The following ABCA2 variants were observed in gnomAD, a reference collection of about 807,000 sequenced individuals.
The protein encoded by ABCA2 is ATP-binding cassette sub-family A member 2.
ABCA2 carries 84 observed loss-of-function variants against 262.8 expected under a neutral mutation model. The observed-to-expected ratio is 0.32, with a 90% CI of 0.27 to 0.38. The LOEUF is 0.38. ABCA2 is among the 10% of genes least tolerant of loss of function. ABCA2 has a pLI of 1.00. For missense variants in ABCA2, 2,662 were observed against 3,405.9 expected (o/e 0.78, Z 5.44); for synonymous variants, 1,696 against 1,502.9 (o/e 1.13, Z -2.97).
rs766268332 is a variant in ABCA2, at chr9:137,020,333, C to T, written c.1425+3G>A. ...AAACATGGAGCGTCCCAGACCCGTG[C>T]ACCTTGAGGATGACGCGGTCGACCT... On this transcript the variant is annotated splice_donor_region_variant and intron_variant, in intron 10 of 48. Coordinates refer to ENST00000341511, the MANE Select transcript of ABCA2 (RefSeq NM_001606.5). 40 of 1,612,036 alleles carry T rather than the reference C, an allele frequency of 2.5e-5. No individual in the cohort carries two copies. The highest frequency in any genetic ancestry group is 3.1e-5 in the Non-Finnish European group (37 of 1,179,968).
chr9:137,028,726 A>C (rs370129169), upstream of ABCA2: 11 of 1,264,856 alleles, frequency 8.7e-6, no homozygotes, highest in Admixed American at 3.2e-5. The surrounding 1 kb of genome is among the most constrained non-coding windows in gnomAD (Gnocchi z 6.9). Context: ...CCTGGAAGGG[A>C]GGCAGGGCGG....
intron 28 of ABCA2, 94 bp downstream of exon 28, chr9:137,013,738 C>A: frequency 6.9e-7 from 1 of 1,450,826 alleles, no homozygotes; most frequent in Non-Finnish European, 9.4e-7. Context: ...GGGTGAGGCC[C>A]AGAGTCAGGA....
intron 21 of ABCA2, 24 bp downstream of exon 21, chr9:137,016,267 C>G (rs377595012): frequency 9.3e-6 from 15 of 1,611,888 alleles, no homozygotes; most frequent in Non-Finnish European, 1.2e-5. Flanking sequence ...CAGATGCCCA[C>G]CGCCCTGCCC....
chr9:137,015,571 G>A lies in ABCA2; in HGVS notation c.3540C>T (p.His1180=). The change falls in exon 24 of 49, where the codon CAC becomes CAT. Residue 1180 remains histidine (H), a synonymous_variant. Coordinates refer to ENST00000341511, the MANE Select transcript of ABCA2 (RefSeq NM_001606.5). Reference sequence around the variant, plus strand: ...CAAGCAGGTCAGCCTCATCCATGTGGTGGGTGGACAGAAGGATGGTGCGGC... The same window carrying A: ...CAAGCAGGTCAGCCTCATCCATGTGATGGGTGGACAGAAGGATGGTGCGGC... The part of the protein sequence containing the change: ...KPGRTILLST[H]HMDEADLLGD... The A allele has an allele frequency of 6.2e-7, 1 of 1,612,536 alleles. No homozygotes were observed. Among genetic ancestry groups the A allele is most frequent in the Non-Finnish European group, 8.5e-7 (1 of 1,179,778 alleles).
rs1564216159 is a variant in ABCA2, at chr9:137,012,990, C to G, written c.4867+12G>C. 6.7e-7 allele frequency: 1 copy of G among 1,488,410 alleles called. No homozygotes were observed. The highest frequency in any genetic ancestry group is 1.4e-5 in the African/African-American group (1 of 72,172). The allele number at this position is 1,488,410 out of a possible 1,614,324, so 92.2% of individuals were successfully genotyped here. A position where few individuals can be genotyped will look rare whatever the true frequency, so the allele number is the denominator to read the frequency against. On this transcript the variant is annotated intron_variant, in intron 30 of 48. Transcript: ENST00000341511. ...TGCCCCTGCCCCCCCAGCAGGCCCCCTGAACCACTACCTGGCCCAGCGGTG... is the reference window on the plus strand; with the variant it reads ...TGCCCCTGCCCCCCCAGCAGGCCCCGTGAACCACTACCTGGCCCAGCGGTG...
chr9:137,023,533 C>A (rs1831550226), intron 3 of ABCA2: 2 of 737,772 alleles, frequency 2.7e-6, no homozygotes, highest in Non-Finnish European at 5.0e-6. Flanking sequence ...GCCAGCCCAG[C>A]CTCAGCCCAG....
rs369858228 is a variant in ABCA2 at position 137,013,186 on chromosome 9, G to A, written c.4683C>T (p.Ser1561=). ...GSLGPTLNLS[S]GESRLLAARF... ...GAGCCGCCAGCAGGCGCGACTCCCC[G>A]CTGCTCAGGTTCAACGTGGGCCCCA... The change falls in exon 30 of 49, where the codon AGC becomes AGT. Residue 1561 remains serine (S), a synonymous_variant. Transcript: ENST00000341511. 7.9e-5 allele frequency: 126 copies of A among 1,601,322 alleles called. No individual in the cohort carries two copies. In the East Asian group the frequency reaches 7.9e-4, roughly 10 times the overall value.
Position 137,012,812 on chromosome 9 carries a change from G to A in ABCA2, c.4981C>T (p.Pro1661Ser). ...TCGCCTGTGACCACCCGCATCTGGG[G>A]CGGGTGCCCGCCCACACTGCTGGGG... ...SCPSSVGGHPPQMRVVTGDIL... is the reference protein window; with the variant it reads ...SCPSSVGGHPSQMRVVTGDIL... The change falls in exon 31 of 49, where the codon CCC becomes TCC. Residue 1661 changes from proline (P) to serine (S), a missense_variant. Transcript: ENST00000341511. The A allele has an allele frequency of 6.2e-7, 1 of 1,610,738 alleles. No homozygotes were observed. The highest frequency in any genetic ancestry group is 8.5e-7 in the Non-Finnish European group (1 of 1,179,154).
Position 137,011,524 on chromosome 9 carries a change from G to A in ABCA2, c.5682C>T (p.Ala1894=). The part of the protein sequence containing the change: ...GWSITPIMYP[A]SFWFEVPSSA... The stretch of plus-strand genomic sequence containing the variant: ...AGCTGGGGACCTCGAACCAGAAGGA[G>A]GCCGGGTACATGATGGGCGTGATGG... The change falls in exon 37 of 49, where the codon GCC becomes GCT. Residue 1894 remains alanine (A), a synonymous_variant. Coordinates refer to ENST00000341511, the MANE Select transcript of ABCA2 (RefSeq NM_001606.5). The surrounding 1 kb of genome is among the most constrained non-coding windows in gnomAD (Gnocchi z 8.8). The A allele has an allele frequency of 6.3e-7, 1 of 1,592,368 alleles. No homozygotes were observed. The highest frequency in any genetic ancestry group is 8.6e-7 in the Non-Finnish European group (1 of 1,169,518).
Position 137,014,847 on chromosome 9 carries a change from C to T in ABCA2, c.3883-37G>A, listed in dbSNP as rs530908898. On this transcript the variant is annotated intron_variant, in intron 25 of 48. Coordinates refer to ENST00000341511, the MANE Select transcript of ABCA2 (RefSeq NM_001606.5). ...GTGGAGGGGGAGGCTGCGGCAGGGA[C>T]GCCCAGGCAGGAGTGCGCCCACCTC... 2.7e-4 allele frequency: 423 copies of T among 1,584,638 alleles called. 1 individual carries two copies. The highest frequency in any genetic ancestry group is 8.7e-4 in the Admixed American group (48 of 55,458).
At chr9:137,023,106 AGAGG>A in intron 3 of ABCA2, 54 bp from the exon 4 acceptor site, 1 of 1,360,336 alleles carries the variant, frequency 7.4e-7, no homozygotes, top group Middle Eastern at 1.9e-4. Flanking sequence ...AGAGAGAGAG[AGAGG>A]AATCCAGAAG....
At chr9:137,028,258 T>C (rs1417266783), upstream of ABCA2, 2 of 975,302 alleles carry the variant, frequency 2.1e-6, no homozygotes, top group African/African-American at 3.6e-5. The surrounding 1 kb of genome is among the most constrained non-coding windows in gnomAD (Gnocchi z 6.9). Flanking sequence ...CGCTCGGGCG[T>C]CCGGGACCCG....
Position 137,022,640 on chromosome 9 carries a change from G to A in ABCA2, c.439+62C>T, listed in dbSNP as rs760446850. 7.7e-4 allele frequency: 1,207 copies of A among 1,572,840 alleles called. 4 individuals are homozygous for A. Among genetic ancestry groups the A allele is most frequent in the Middle Eastern group, 3.3e-3 (17 of 5,132 alleles). On this transcript the variant is annotated intron_variant, in intron 5 of 48. Transcript: ENST00000341511. ...GGGCCCAGAGTGGATGTGGGCTTCA[G>A]CCCAGTGACAGCAGAGCTTTGCCCG...
intron 48 of ABCA2, 60 bp downstream of exon 48, chr9:137,008,356 A>T (rs1285451443): frequency 1.3e-6 from 2 of 1,538,796 alleles, no homozygotes; most frequent in East Asian, 4.9e-5. Flanking sequence ...GGCTGGAGCC[A>T]CCAGGCAGCC....
At chr9:137,014,118 A>G in intron 27 of ABCA2, 50 bp downstream of exon 27, 1 of 1,591,108 alleles carries the variant, frequency 6.3e-7, no homozygotes, top group Non-Finnish European at 8.6e-7. Context: ...GCTCCCCCGC[A>G]ACCCTGCTCC....
At chr9:137,008,900 G>GCCCCCCCCCCCCCCCCCCGCCCC (rs59031144) in intron 46 of ABCA2, 32 bp from the exon 47 acceptor site, 2 of 1,556,382 alleles carry the variant, frequency 1.3e-6, no homozygotes, top group Non-Finnish European at 8.7e-7. Flanking sequence ...GCCTGGCAGC[G>GCCCCCCCCCCCCCCCCCCGCCCC]CCCCCCCACC....
Position 137,021,487 on chromosome 9 carries a change from C to A in ABCA2, c.802G>T (p.Val268Phe). 6.2e-7 allele frequency: 1 copy of A among 1,611,294 alleles called. No homozygotes were observed. Among genetic ancestry groups the A allele is most frequent in the Non-Finnish European group, 8.5e-7 (1 of 1,179,338 alleles). The stretch of plus-strand genomic sequence containing the variant: ...CGCGCAGCAGCCTGCCCACTGCAGA[C>A]AGCATCCCGGTAGCCCTGCAGGGCT... ...KGALQGYRDA[V>F]CSGQAAARAR... is the part of the protein sequence containing the mutation. The change falls in exon 8 of 49, where the codon GTC becomes TTC. Residue 268 changes from valine (V) to phenylalanine (F), a missense_variant. Around this residue, in one of 12 missense-constraint regions of ABCA2, gnomAD observed 403 missense variants for 375.9 expected, o/e 1.07. Transcript: ENST00000341511. The surrounding 1 kb of genome is among the most constrained non-coding windows in gnomAD (Gnocchi z 6.0).
At chr9:137,009,272 G>A in intron 45 of ABCA2, 98 bp downstream of exon 45, 1 of 580,704 alleles carries the variant, frequency 1.7e-6, no homozygotes, top group Admixed American at 3.3e-5. Flanking sequence ...TGGCCCCACA[G>A]CCCTCACAGC....
chr9:137,010,582 A>AACC, intron 40 of ABCA2, 38 bp downstream of exon 40: 8 of 1,058,696 alleles, frequency 7.6e-6, no homozygotes, highest in South Asian at 1.3e-5. Flanking sequence ...GCCCTGGCCT[A>AACC]CCCCACCCAG....
Sources: gnomAD v4.1 joint callset for allele counts on GRCh38, gnomAD v4.1.1 for gene constraint, gnomAD v4.1.1 regional missense constraint, Gnocchi (gnomAD v3.1) non-coding constraint, MANE v1.5 for transcripts, NCBI Gene and HGNC (gene_info 2026-07-23, HGNC 2026-07-21) for gene names.